SEC13: variants seen among roughly 807,000 people sequenced by gnomAD.
SEC13 encodes the protein protein SEC13 homolog.
Under a neutral mutation model 49.2 loss-of-function variants are expected in SEC13, and 25 were observed. That is an observed-to-expected ratio of 0.51 (90% confidence interval 0.37 to 0.71). The LOEUF (loss-of-function observed/expected upper bound fraction) is 0.71. SEC13 is among the 30% of genes least tolerant of loss of function. The pLI, the probability that SEC13 is intolerant of heterozygous loss-of-function variation, is 0.00. For synonymous variants in SEC13, 148 were observed against 163.9 expected (o/e 0.90, Z 0.74); for missense variants, 383 against 417.6 (o/e 0.92, Z 0.72).
intron 3 of SEC13, chr3:10,313,042 C>G (rs1701381324): frequency 3.1e-6 from 1 of 322,472 alleles, no homozygotes. Context: ...TATGTGCTGT[C>G]TACAGCATAG....
chr3:10,305,762 G>A, intron 5 of SEC13, 70 bp from the exon 6 acceptor site: 1 of 1,566,924 alleles, frequency 6.4e-7, no homozygotes, highest in Non-Finnish European at 8.8e-7. Context: ...CAAGCCTGCT[G>A]TCCCTCTCCC....
rs548901878 is a variant in SEC13 at position 10,315,016 on chromosome 3, T to A, written c.164+305A>T. ...GATAGGAGGTAGCATTGGCCCAATTTTGAGGATGAGCAGATGAAGGCTCTG... is the reference window on the plus strand; with the variant it reads ...GATAGGAGGTAGCATTGGCCCAATTATGAGGATGAGCAGATGAAGGCTCTG... On this transcript the variant is annotated intron_variant, in intron 3 of 8. Coordinates refer to ENST00000350697, the MANE Select transcript of SEC13 (RefSeq NM_183352.3). 6 of 279,968 alleles carry A rather than the reference T, an allele frequency of 2.1e-5. No homozygotes were observed. In the South Asian group the frequency reaches 3.1e-4, roughly 15 times the overall value. 17.3% of individuals were successfully genotyped at this position (279,968 alleles called of 1,614,324 possible). A position where few individuals can be genotyped will look rare whatever the true frequency, so the allele number is the denominator to read the frequency against.
intron 7 of SEC13, 43 bp downstream of exon 7, chr3:10,304,990 C>T: frequency 6.2e-7 from 1 of 1,613,036 alleles, no homozygotes; most frequent in Non-Finnish European, 8.5e-7. Context: ...ATGGGCCTGA[C>T]TCGAGACTAA....
At chr3:10,304,983 G>A (rs1339298514) in intron 7 of SEC13, 50 bp downstream of exon 7, 2 of 1,612,242 alleles carry the variant, frequency 1.2e-6, no homozygotes, top group Non-Finnish European at 1.7e-6. Context: ...AGAGCTGATG[G>A]GCCTGACTCG....
At position 10,312,703 on chromosome 3, in the gene SEC13, G is replaced by A. The variant is rs1010881321; in HGVS notation, c.192C>T (p.Ala64=). The change falls in exon 4 of 9, where the codon GCC becomes GCT. Residue 64 remains alanine, a synonymous_variant. Transcript: ENST00000350697. ...RGHEGPVWQV[A]WAHPMYGNIL... ...TGTTGCCGTACATGGGGTGAGCCCA[G>A]GCCACTTGCCACACAGGACCCTCAT... 1.9e-6 allele frequency: 3 copies of A among 1,614,080 alleles called. No individual in the cohort carries two copies. The highest frequency in any genetic ancestry group is 1.3e-5 in the African/African-American group (1 of 74,914).
chr3:10,301,655 C>T (rs1700526777), intron 8 of SEC13, among the ~76,000 whole-genome samples: 2 of 152,130 alleles, frequency 1.3e-5, no homozygotes, highest in Admixed American at 6.5e-5. Flanking sequence ...TATGGGGTGG[C>T]GGGGAGCAGG....
chr3:10,320,979 C>T (rs2059766657), intron 1 of SEC13, 71 bp downstream of exon 1: 2 of 1,598,602 alleles, frequency 1.3e-6, no homozygotes, highest in Middle Eastern at 1.7e-4. Context: ...GGACTCAGGA[C>T]GGCCGAGGAA....
At chr3:10,319,216 G>A (rs766996955) in intron 1 of SEC13, 1 of 1,613,758 alleles carries the variant, frequency 6.2e-7, no homozygotes, top group Non-Finnish European at 8.5e-7. Context: ...AAGGCAGACA[G>A]TGGAAGAGGA....
chr3:10,304,908 T>C, intron 7 of SEC13, 125 bp downstream of exon 7: 1 of 1,434,130 alleles, frequency 7.0e-7, no homozygotes, highest in East Asian at 2.3e-5. Flanking sequence ...CTCCCTGTGC[T>C]CTGGGCCAAA....
At position 10,301,001 on chromosome 3, in the gene SEC13, T is replaced by TACATAAAA. The variant is rs1200525387; in HGVS notation, c.*252_*259dup. ...CCCAAATAATGCCTGAACCCAAAGG[T>TACATAAAA]ACATAAAAATGACCCAAAATAGATT... On this transcript the variant is annotated 3_prime_UTR_variant, in exon 9 of 9. Coordinates refer to ENST00000350697, the MANE Select transcript of SEC13 (RefSeq NM_183352.3). 1.5e-6 allele frequency: 2 copies of TACATAAAA among 1,343,716 alleles called. No individual in the cohort carries two copies. The allele number at this position is 1,343,716 out of a possible 1,614,324, so 83.2% of individuals were successfully genotyped here.
At chr3:10,302,497 G>A (rs1445749750) in intron 8 of SEC13, among the ~76,000 whole-genome samples, 1 of 152,196 alleles carries the variant, frequency 6.6e-6, no homozygotes, top group Admixed American at 6.5e-5. Flanking sequence ...AACACTGCGT[G>A]CACAGCCAGG....
At chr3:10,315,103 G>A (rs1173389397) in intron 3 of SEC13, 2 of 483,034 alleles carry the variant, frequency 4.1e-6, no homozygotes, top group Admixed American at 3.8e-5. Flanking sequence ...TGGCAGAGCT[G>A]AGATTCACAC....
chr3:10,321,020 C>T lies in SEC13; in HGVS notation c.3+30G>A. ...GAAGGCCGCGACCGTGGCCTTCACC[C>T]TGCTAGGCCTCCTCAGTACCAACAC... is the stretch of plus-strand genomic sequence containing the variant. On this transcript the variant is annotated intron_variant, in intron 1 of 8. Coordinates refer to ENST00000350697, the MANE Select transcript of SEC13 (RefSeq NM_183352.3). The surrounding 1 kb of genome is among the most constrained non-coding windows in gnomAD (Gnocchi z 4.1). The T allele has an allele frequency of 6.2e-7, 1 of 1,611,350 alleles. No individual in the cohort carries two copies. Among genetic ancestry groups the T allele is most frequent in the South Asian group, 1.1e-5 (1 of 90,448 alleles).
intron 4 of SEC13, 106 bp downstream of exon 4, chr3:10,312,471 GAC>G: frequency 7.4e-7 from 1 of 1,357,592 alleles, no homozygotes; most frequent in Non-Finnish European, 1.0e-6. Flanking sequence ...AAGCTCAAGA[GAC>G]AGACAAGAGG....
chr3:10,306,639 G>A (rs1301031239), intron 5 of SEC13, among the ~76,000 whole-genome samples: 1 of 152,166 alleles, frequency 6.6e-6, no homozygotes, highest in Non-Finnish European at 1.5e-5. Context: ...ATCTCATCTT[G>A]AATTCCCACG....
intron 2 of SEC13, among the ~76,000 whole-genome samples, chr3:10,316,740 G>A (rs697230): frequency 0.17 from 25,547 of 152,142 alleles, 2,411 homozygotes; most frequent in East Asian, 0.41. Flanking sequence ...GAAAACTCAC[G>A]CCTGTAATCC....
rs1351933133 is a variant in SEC13 at position 10,312,049 on chromosome 3, ACAGGCCAGGAT to A, written c.355_365del (p.Ile119TrpfsTer66). 6.2e-7 allele frequency: 1 copy of A among 1,613,244 alleles called. No homozygotes were observed. The highest frequency in any genetic ancestry group is 8.5e-7 in the Non-Finnish European group (1 of 1,179,672). ...GGGAGATGGCCCCATCCGAGCTCCC[ACAGGCCAGGAT>A]CAGGCCGTAGTCATGGGGGGCCCAG... On this transcript the variant is annotated frameshift_variant, in exon 5 of 9. Coordinates refer to ENST00000350697, the MANE Select transcript of SEC13 (RefSeq NM_183352.3). LOFTEE classifies it high-confidence loss of function.
chr3:10,305,504 T>C lies in SEC13; in HGVS notation c.584+55A>G, dbSNP rs1261668435. The C allele has an allele frequency of 1.3e-5, 20 of 1,588,710 alleles. No individual in the cohort carries two copies. The East Asian group carries it at 4.5e-4, about 36-fold the overall frequency. ...GTGAGTGTGGCTGAGTCATGGTGAG[T>C]AGGGTAAAGGGTAGAAGTGTCCCCT... On this transcript the variant is annotated intron_variant, in intron 6 of 8. Coordinates refer to ENST00000350697, the MANE Select transcript of SEC13 (RefSeq NM_183352.3).
intron 8 of SEC13, 97 bp from the exon 9 acceptor site, chr3:10,301,471 A>C: frequency 6.7e-7 from 1 of 1,502,864 alleles, no homozygotes; most frequent in Non-Finnish European, 9.1e-7. Context: ...ACCACTGCCC[A>C]GAGGCTTGTG....
Sources: allele counts gnomAD v4.1 joint callset (sites outside exome capture counted in the v4.1 genomes callset), GRCh38; gene constraint gnomAD v4.1.1; non-coding constraint Gnocchi (gnomAD v3.1); transcripts MANE v1.5; gene names NCBI Gene and HGNC (gene_info 2026-07-23, HGNC 2026-07-21).